CCDC141: variants seen among roughly 807,000 people sequenced by gnomAD.
CCDC141 encodes the protein coiled-coil domain-containing protein 141.
CCDC141 carries 168 observed loss-of-function variants against 181.0 expected under a neutral mutation model. The ratio of observed to expected loss-of-function variants is 0.93; its 90% CI spans 0.82 to 1.05. CCDC141 has a LOEUF of 1.05. Ranked by LOEUF, CCDC141 falls within the 50% of genes least tolerant of loss-of-function variation. The probability of loss-of-function intolerance (pLI) is 0.00; values close to 1 mark genes in which losing one functional copy is unlikely to be tolerated. For synonymous variants in CCDC141, 666 were observed against 642.3 expected, an observed-to-expected ratio of 1.04 and a Z score of -0.56; for missense variants, 1,902 against 1,788.5, an observed-to-expected ratio of 1.06 and a Z score of -1.14.
At chr2:178,972,099 T>C (rs569676205) in intron 4 of CCDC141, among the ~76,000 whole-genome samples, 2 of 151,734 alleles carry the variant, frequency 1.3e-5, no homozygotes, top group East Asian at 3.9e-4. Flanking sequence ...TAAATAAAAA[T>C]AAATTTAAAA....
Position 179,014,434 on chromosome 2 carries a change from A to G in CCDC141, c.225+32850T>C, listed in dbSNP as rs528722024. Among the ~76,000 whole-genome samples the G allele has an allele frequency of 7.2e-5, 11 of 152,278 alleles. 1 individual carries two copies. The East Asian group carries it at 2.1e-3, about 29-fold the overall frequency. ...ACATAAATAGCTGGGACCTAATGAA[A>G]CTTAAGAGCTTTTGCACGGCAAAAG... On this transcript the variant is annotated intron_variant, in intron 2 of 23. Transcript: ENST00000443758.
At chr2:179,032,479 A>T (rs749499482) in intron 2 of CCDC141, among the ~76,000 whole-genome samples, 2 of 152,148 alleles carry the variant, frequency 1.3e-5, no homozygotes, top group Non-Finnish European at 2.9e-5. Context: ...TCTGCTCACA[A>T]CTAAAAGAGA....
intron 16 of CCDC141, 131 bp from the exon 17 acceptor site, chr2:178,866,047 A>G: frequency 1.5e-6 from 1 of 660,064 alleles, no homozygotes; most frequent in Non-Finnish European, 2.3e-6. Flanking sequence ...GATTTATTTT[A>G]CCTTAAACAT....
intron 2 of CCDC141, among the ~76,000 whole-genome samples, chr2:178,989,560 C>G (rs1352754986): frequency 6.7e-6 from 1 of 149,326 alleles, no homozygotes; most frequent in African/African-American, 2.5e-5. Context: ...TACCACTGTA[C>G]TCCAGCCTGG....
At chr2:178,842,026 T>C (rs1684745642) in intron 22 of CCDC141, among the ~76,000 whole-genome samples, 1 of 152,236 alleles carries the variant, frequency 6.6e-6, no homozygotes, top group Non-Finnish European at 1.5e-5. Context: ...CATATACTAA[T>C]TATTTGTTAA....
chr2:178,855,157 C>T lies in CCDC141; in HGVS notation c.3060+190G>A, dbSNP rs570064977. ...GAAATTGACCAATAAAATCAAAGAC[C>T]TTATAATATTCATCCCCTTAGGTCC... is the stretch of plus-strand genomic sequence containing the variant. On this transcript the variant is annotated intron_variant, in intron 19 of 23. Transcript: ENST00000443758. Among the ~76,000 whole-genome samples the T allele has an allele frequency of 1.2e-4, 19 of 152,194 alleles. No homozygotes were observed. The South Asian group carries it at 3.9e-3, about 32-fold the overall frequency.
the CCDC141 span, among the ~76,000 whole-genome samples, chr2:178,815,059 G>A: frequency 6.6e-6 from 1 of 152,154 alleles, no homozygotes; most frequent in African/African-American, 2.4e-5. Context: ...CAGAAGAAAT[G>A]AGCTCTGTTG....
At position 178,853,308 on chromosome 2, in the gene CCDC141, T is replaced by C. The variant is rs1685243097; in HGVS notation, c.3244+133A>G. 15 of 754,258 alleles carry C rather than the reference T, an allele frequency of 2.0e-5. No individual in the cohort carries two copies. The South Asian group carries it at 2.8e-4, about 14-fold the overall frequency. 46.7% of individuals were successfully genotyped at this position (754,258 alleles called of 1,614,324 possible). A position where few individuals can be genotyped will look rare whatever the true frequency, so the allele number is the denominator to read the frequency against. On this transcript the variant is annotated intron_variant, in intron 20 of 23. Transcript: ENST00000443758. ...CTTTCCCTGGCTGTGGGCTCTTACCTTGAACATTTTCCCTGAATACACTGG... is the reference window on the plus strand; with the variant it reads ...CTTTCCCTGGCTGTGGGCTCTTACCCTGAACATTTTCCCTGAATACACTGG...
chr2:179,048,459 T>C (rs2043571740), intron 1 of CCDC141, among the ~76,000 whole-genome samples: 1 of 152,170 alleles, frequency 6.6e-6, no homozygotes, highest in African/African-American at 2.4e-5. Context: ...TCCAGTGTAA[T>C]TTTTTTGTGT....
At chr2:178,845,494 CA>C in intron 22 of CCDC141, 131 bp downstream of exon 22, 1 of 619,654 alleles carries the variant, frequency 1.6e-6, no homozygotes, top group Admixed American at 2.8e-5. Flanking sequence ...AGGAAACTCA[CA>C]TTGCATTTAC....
rs563910174 is a variant in CCDC141 at position 178,866,698 on chromosome 2, TG to T, written c.2575-783del. Among the ~76,000 whole-genome samples, 660 of 152,186 alleles carry T rather than the reference TG, an allele frequency of 4.3e-3. 7 individuals carry two copies. The highest frequency in any genetic ancestry group is 0.015 in the African/African-American group (633 of 41,534). On this transcript the variant is annotated intron_variant, in intron 16 of 23. Coordinates refer to ENST00000443758, the MANE Select transcript of CCDC141 (RefSeq NM_173648.4). ...AAAGGATTTTTTTGTTTTGTTTTGT[TG>T]TTGTTGTTGTTTCTGTTTTTTTGTT... is the stretch of plus-strand genomic sequence containing the variant.
chr2:178,909,543 A>G (rs932579456), intron 7 of CCDC141, among the ~76,000 whole-genome samples: 41 of 152,182 alleles, frequency 2.7e-4, no homozygotes, highest in African/African-American at 9.9e-4. Context: ...TTTCAAGAAG[A>G]CTGTACTGTC....
At chr2:178,871,298 TA>T in intron 14 of CCDC141, 128 bp downstream of exon 14, 1 of 1,129,468 alleles carries the variant, frequency 8.9e-7, no homozygotes, top group South Asian at 1.6e-5. Flanking sequence ...AGTGGATTTT[TA>T]GACAAGCAAT....
chr2:178,914,173 T>C (rs886190007), intron 7 of CCDC141, among the ~76,000 whole-genome samples: 2 of 152,200 alleles, frequency 1.3e-5, no homozygotes, highest in Admixed American at 6.5e-5. Flanking sequence ...ATAGGTGCTA[T>C]ATTCATATTT....
chr2:178,871,626 A>G, intron 13 of CCDC141, 74 bp from the exon 14 acceptor site: 1 of 1,514,166 alleles, frequency 6.6e-7, no homozygotes, highest in Non-Finnish European at 8.9e-7. Context: ...TCTAGGTATG[A>G]CGCAGAGTGT....
downstream of CCDC141, among the ~76,000 whole-genome samples, chr2:178,825,933 T>C (rs1392132139): frequency 6.6e-6 from 1 of 152,160 alleles, no homozygotes; most frequent in Non-Finnish European, 1.5e-5. Context: ...ATCAAATTAG[T>C]TTTCTTTCTT....
intron 2 of CCDC141, among the ~76,000 whole-genome samples, chr2:179,009,581 T>C (rs1208634810): frequency 1.3e-5 from 2 of 149,624 alleles, no homozygotes; most frequent in African/African-American, 4.9e-5. Context: ...AGGCTGGTAA[T>C]GGGGGTTGTC....
intron 21 of CCDC141, among the ~76,000 whole-genome samples, chr2:178,848,874 C>G (rs4894054): frequency 6.6e-6 from 1 of 152,054 alleles, no homozygotes; most frequent in South Asian, 2.1e-4. Flanking sequence ...AAATAACATA[C>G]ATATTAGAAA....
chr2:178,835,625 A>G (rs1181018852), intron 23 of CCDC141: 1 of 152,228 alleles, frequency 6.6e-6, no homozygotes, highest in Non-Finnish European at 1.5e-5. Flanking sequence ...TCTGACGACA[A>G]AACATTTGTT....
Sources: gnomAD v4.1 joint callset for allele counts (sites outside exome capture counted in the v4.1 genomes callset) on GRCh38, gnomAD v4.1.1 for gene constraint, MANE v1.5 for transcripts, NCBI Gene and HGNC (gene_info 2026-07-23, HGNC 2026-07-21) for gene names.